Variants in SORCS3 observed in about 807,000 individuals in gnomAD.
The protein encoded by SORCS3 is VPS10 domain-containing receptor SorCS3.
Under a neutral mutation model 146.3 loss-of-function variants are expected in SORCS3, and 57 were observed. The observed-to-expected ratio is 0.39, with a 90% CI of 0.31 to 0.49. The LOEUF (loss-of-function observed/expected upper bound fraction) is 0.49, where lower values mean the gene tolerates loss of function less well. Among genes scored for constraint, SORCS3 ranks in the 20% least tolerant of loss-of-function variants. The pLI is 0.92. For missense variants in SORCS3, 1,341 were observed against 1,575.5 expected, an observed-to-expected ratio of 0.85 and a Z score of 2.52; for synonymous variants, 653 against 618.5, an observed-to-expected ratio of 1.06 and a Z score of -0.83.
At chr10:105,238,062 C>A (rs1217310105) in intron 20 of SORCS3, among the ~76,000 whole-genome samples, 1 of 152,104 alleles carries the variant, frequency 6.6e-6, no homozygotes, top group East Asian at 1.9e-4. Context: ...AATAAGAAAG[C>A]ACAATGAGCA....
chr10:105,087,968 A>G (rs1169405155), intron 5 of SORCS3, among the ~76,000 whole-genome samples: 1 of 152,222 alleles, frequency 6.6e-6, no homozygotes. Context: ...CATTAGCAGT[A>G]AAGTCTGAGA....
At chr10:105,019,855 A>G (rs536968446) in intron 4 of SORCS3, among the ~76,000 whole-genome samples, 75 of 152,354 alleles carry the variant, frequency 4.9e-4, no homozygotes, top group Admixed American at 1.4e-3. Context: ...ATAAATAAAG[A>G]AAATGTAATT....
chr10:105,097,986 C>T (rs1410376679), intron 6 of SORCS3, among the ~76,000 whole-genome samples: 3 of 152,224 alleles, frequency 2.0e-5, no homozygotes, highest in African/African-American at 7.2e-5. Context: ...AATCACGGCA[C>T]TTCTTCTAAG....
At chr10:105,016,034 T>C (rs909060082) in intron 4 of SORCS3, among the ~76,000 whole-genome samples, 3 of 149,344 alleles carry the variant, frequency 2.0e-5, no homozygotes, top group Non-Finnish European at 4.5e-5. Context: ...AGCTGTAAGG[T>C]TCTACTTCTT....
At chr10:105,226,720 A>T (rs2119679528) in intron 20 of SORCS3, among the ~76,000 whole-genome samples, 1 of 151,552 alleles carries the variant, frequency 6.6e-6, no homozygotes, top group Non-Finnish European at 1.5e-5. Flanking sequence ...TTTTGTTACT[A>T]ATTAAATCTC....
intron 6 of SORCS3, among the ~76,000 whole-genome samples, chr10:105,099,336 G>T (rs2055767489): frequency 6.6e-6 from 1 of 152,070 alleles, no homozygotes; most frequent in South Asian, 2.1e-4. Flanking sequence ...TTTTCAATTT[G>T]TGACAATAGT....
At chr10:105,229,460 A>G (rs556872179) in intron 20 of SORCS3, among the ~76,000 whole-genome samples, 39 of 152,252 alleles carry the variant, frequency 2.6e-4, no homozygotes, top group African/African-American at 8.7e-4. Context: ...ATATCTGTGC[A>G]GCTGGTATAA....
chr10:104,915,784 C>T, intron 2 of SORCS3, 49 bp from the exon 3 acceptor site: 7 of 1,511,656 alleles, frequency 4.6e-6, no homozygotes, highest in Non-Finnish European at 6.4e-6. Context: ...GACATAGCTG[C>T]CCATTGGTAA....
intron 4 of SORCS3, among the ~76,000 whole-genome samples, chr10:104,980,945 G>T (rs1044689707): frequency 6.6e-6 from 1 of 152,162 alleles, no homozygotes; most frequent in African/African-American, 2.4e-5. Context: ...TGGCTGTTGG[G>T]TTGTGAGTTA....
chr10:104,866,430 T>G (rs1251207467), intron 2 of SORCS3, among the ~76,000 whole-genome samples: 2 of 152,176 alleles, frequency 1.3e-5, no homozygotes, highest in Non-Finnish European at 2.9e-5. Context: ...CATCAGTAAC[T>G]ATTATGTTTA....
chr10:104,711,050 G>T (rs1476881588), intron 1 of SORCS3, among the ~76,000 whole-genome samples: 2 of 152,190 alleles, frequency 1.3e-5, no homozygotes, highest in Non-Finnish European at 2.9e-5. Flanking sequence ...ACTTTGGTAT[G>T]CAAGTCCCTT....
intron 13 of SORCS3, among the ~76,000 whole-genome samples, chr10:105,174,110 A>G (rs1399831742): frequency 3.3e-5 from 5 of 152,178 alleles, no homozygotes; most frequent in Non-Finnish European, 7.4e-5. Flanking sequence ...TATCCCTAGA[A>G]CTGAGGTCAC....
chr10:105,207,499 C>T (rs564829835), intron 16 of SORCS3, among the ~76,000 whole-genome samples: 2 of 152,186 alleles, frequency 1.3e-5, no homozygotes, highest in South Asian at 4.1e-4. Flanking sequence ...AGTAGACTTC[C>T]CCGAGGCAAA....
chr10:104,708,967 A>G (rs2016381572), intron 1 of SORCS3, among the ~76,000 whole-genome samples: 1 of 152,206 alleles, frequency 6.6e-6, no homozygotes, highest in Non-Finnish European at 1.5e-5. Flanking sequence ...ATTATGATGG[A>G]GGCTCATTAG....
At chr10:104,805,184 C>T (rs2017667369) in intron 1 of SORCS3, among the ~76,000 whole-genome samples, 1 of 152,156 alleles carries the variant, frequency 6.6e-6, no homozygotes, top group African/African-American at 2.4e-5. Context: ...ACACAAATAA[C>T]TAATACAATG....
intron 5 of SORCS3, among the ~76,000 whole-genome samples, chr10:105,057,430 C>T (rs923593314): frequency 6.6e-6 from 1 of 152,088 alleles, no homozygotes; most frequent in East Asian, 1.9e-4. Context: ...AGTGCCCACA[C>T]CACCCTGAAG....
intron 3 of SORCS3, among the ~76,000 whole-genome samples, chr10:104,965,188 T>C (rs551493594): frequency 1.5e-4 from 23 of 152,320 alleles, no homozygotes; most frequent in African/African-American, 5.5e-4. Context: ...TGAACGTATC[T>C]CTCTTTGAGA....
intron 3 of SORCS3, among the ~76,000 whole-genome samples, chr10:104,967,235 T>C (rs1453655290): frequency 6.6e-6 from 1 of 152,236 alleles, no homozygotes; most frequent in African/African-American, 2.4e-5. Flanking sequence ...GCCGTATTCA[T>C]GTTGGTTAAT....
At chr10:104,978,504 C>T (rs1323242740) in intron 4 of SORCS3, among the ~76,000 whole-genome samples, 3 of 152,200 alleles carry the variant, frequency 2.0e-5, no homozygotes, top group African/African-American at 7.2e-5. Context: ...ATAGCTGGCT[C>T]TCTTCCAGTA....
Sources: gnomAD v4.1 joint callset for allele counts (sites outside exome capture counted in the v4.1 genomes callset) on GRCh38, gnomAD v4.1.1 for gene constraint, MANE v1.5 for transcripts, NCBI Gene and HGNC (gene_info 2026-07-23, HGNC 2026-07-21) for gene names.